Variants in C5orf22 observed in about 807,000 individuals in gnomAD.
C5orf22 encodes the protein chromosome 5 open reading frame 22.
C5orf22 carries 36 observed loss-of-function variants against 48.7 expected under a neutral mutation model. The observed-to-expected ratio is 0.74, with a 90% confidence interval of 0.57 to 0.98. C5orf22 has a LOEUF of 0.98. Among genes scored for constraint, C5orf22 ranks in the 50% least tolerant of loss-of-function variants. The pLI, the probability that C5orf22 is intolerant of heterozygous loss-of-function variation, is 0.00. For missense variants in C5orf22, 486 were observed against 521.9 expected, an observed-to-expected ratio of 0.93 and a Z score of 0.67; for synonymous variants, 141 against 180.8, an observed-to-expected ratio of 0.78 and a Z score of 1.76.
intron 1 of C5orf22, 97 bp from the exon 2 acceptor site, chr5:31,534,175 A>C: frequency 2.8e-6 from 3 of 1,058,026 alleles, no homozygotes; most frequent in Non-Finnish European, 4.2e-6. Context: ...TATGCTTTCA[A>C]TTATGTGCAT....
rs1232958090 is a variant in C5orf22, at chr5:31,541,399, C to T, written c.989C>T (p.Pro330Leu). ...EETVQRWASNPGMESLVPLVQ... is the reference protein window; with the variant it reads ...EETVQRWASNLGMESLVPLVQ... ...ACGGTACAGAGATGGGCTTCAAACC[C>T]TGGGTAAGACTCTCAAACATTTTTT... is the stretch of plus-strand genomic sequence containing the variant. The change falls in exon 6 of 9, where the codon CCT becomes CTT. Residue 330 changes from proline (P) to leucine (L), a missense_variant. Pro to Leu is a moderately conservative substitution (Grantham distance 98). This residue lies in a region of C5orf22 where 408 missense variants were observed against 444.0 expected (regional missense o/e 0.92). Coordinates refer to ENST00000325366, the MANE Select transcript of C5orf22 (RefSeq NM_018356.3). 1 of 1,612,158 alleles carries T rather than the reference C, an allele frequency of 6.2e-7. No individual in the cohort carries two copies. The highest frequency in any genetic ancestry group is 1.7e-5 in the Admixed American group (1 of 59,710).
chr5:31,551,466 A>AGATTAG, intron 8 of C5orf22, 34 bp downstream of exon 8: 2 of 1,508,848 alleles, frequency 1.3e-6, no homozygotes, highest in Non-Finnish European at 1.8e-6. Flanking sequence ...GGCAAATCAG[A>AGATTAG]GATGTGCACA....
At chr5:31,545,752 A>G (rs1334510711) in intron 7 of C5orf22, 40 bp downstream of exon 7, 5 of 1,349,030 alleles carry the variant, frequency 3.7e-6, no homozygotes, top group Non-Finnish European at 5.2e-6. Flanking sequence ...GACCCTTTGT[A>G]AAGACAATTT....
Position 31,538,203 on chromosome 5 carries a change from T to C in C5orf22, c.378-57T>C, listed in dbSNP as rs1742216356. 3 of 1,295,522 alleles carry C rather than the reference T, an allele frequency of 2.3e-6. No individual in the cohort carries two copies. The South Asian group carries it at 4.3e-5, about 19-fold the overall frequency. The allele number at this position is 1,295,522 out of a possible 1,614,324, so 80.3% of individuals were successfully genotyped here. A position where few individuals can be genotyped will look rare whatever the true frequency, so the allele number is the denominator to read the frequency against. On this transcript the variant is annotated intron_variant, in intron 3 of 8. Transcript: ENST00000325366. ...TTCTTATATTTCTGCCATACCATAG[T>C]GAAATGTCAACTGATTTGCCCATTC...
chr5:31,537,370 A>G (rs1309575061), intron 3 of C5orf22, among the ~76,000 whole-genome samples: 1 of 152,242 alleles, frequency 6.6e-6, no homozygotes, highest in Non-Finnish European at 1.5e-5. Context: ...GCTGTTATTA[A>G]AAAGAATATT....
intron 1 of C5orf22, among the ~76,000 whole-genome samples, chr5:31,532,769 C>T (rs1448346714): frequency 1.3e-5 from 2 of 152,050 alleles, no homozygotes; most frequent in African/African-American, 2.4e-5. Flanking sequence ...GGCTGCAGAG[C>T]CCTGTGTTCT....
chr5:31,539,783 G>A (rs902939350), intron 4 of C5orf22, among the ~76,000 whole-genome samples: 9 of 151,488 alleles, frequency 5.9e-5, no homozygotes, highest in South Asian at 2.1e-4. Context: ...TGGCTCATGC[G>A]TATAATCCCA....
intron 7 of C5orf22, among the ~76,000 whole-genome samples, chr5:31,550,926 C>G (rs1743217278): frequency 6.6e-6 from 1 of 151,964 alleles, no homozygotes; most frequent in Admixed American, 6.6e-5. Flanking sequence ...CAAAATTGAC[C>G]CAAGCCCAAT....
At chr5:31,532,939 T>C (rs1416056070) in intron 1 of C5orf22, among the ~76,000 whole-genome samples, 12 of 152,096 alleles carry the variant, frequency 7.9e-5, no homozygotes, top group Non-Finnish European at 1.8e-4. Context: ...ATTGTGTGCA[T>C]ACTGTGTTTA....
intron 7 of C5orf22, chr5:31,548,573 G>C (rs1233142495): frequency 2.2e-6 from 1 of 450,626 alleles, no homozygotes; most frequent in Non-Finnish European, 4.4e-6. Flanking sequence ...TTTGGTCCAA[G>C]CCATTCAACA....
In C5orf22 at chr5:31,553,409, T is replaced by C. The variant is rs1293570386; in HGVS notation, c.*507T>C. ...GAAGGAAAGGACAACAACAGACATGTCTTAGTACTTAGGGTATCATGGCTT... is the reference window on the plus strand; with the variant it reads ...GAAGGAAAGGACAACAACAGACATGCCTTAGTACTTAGGGTATCATGGCTT... On this transcript the variant is annotated 3_prime_UTR_variant, in exon 9 of 9. Transcript: ENST00000325366. The C allele has an allele frequency of 6.6e-6, 1 of 152,298 alleles. No individual in the cohort carries two copies. 9.4% of individuals were successfully genotyped at this position (152,298 alleles called of 1,614,324 possible).
chr5:31,548,695 T>C (rs1174577586), intron 7 of C5orf22: 3 of 372,804 alleles, frequency 8.0e-6, no homozygotes, highest in African/African-American at 6.3e-5. Flanking sequence ...CAGGTATCTT[T>C]TCAACAGTGC....
At chr5:31,532,522 A>G (rs1251603386) in intron 1 of C5orf22, 49 bp downstream of exon 1, 24 of 1,528,508 alleles carry the variant, frequency 1.6e-5, no homozygotes, top group Non-Finnish European at 2.0e-5. Flanking sequence ...GGAAGCCCTG[A>G]CGCTCAGAGG....
At chr5:31,549,538 A>T (rs962359072) in intron 7 of C5orf22, among the ~76,000 whole-genome samples, 4 of 152,132 alleles carry the variant, frequency 2.6e-5, no homozygotes, top group African/African-American at 9.7e-5. Flanking sequence ...TACACTTTTT[A>T]AAAATGGTAA....
At chr5:31,551,564 T>G (rs1356687877) in intron 8 of C5orf22, 132 bp downstream of exon 8, 36 of 694,162 alleles carry the variant, frequency 5.2e-5, no homozygotes, top group East Asian at 4.2e-4. Flanking sequence ...TGAGATGAGA[T>G]TATCCTGGAT....
rs368216413 is a variant in C5orf22, at chr5:31,545,648, T to C, written c.995T>C (p.Met332Thr). 6 of 1,610,240 alleles carry C rather than the reference T, an allele frequency of 3.7e-6. No individual in the cohort carries two copies. The highest frequency in any genetic ancestry group is 5.1e-6 in the Non-Finnish European group (6 of 1,177,598). ...TGAGTGGGATGGCTTTTTTCCAGAA[T>C]GGAATCACTAGTTCCCCTTGTACAG... ...TVQRWASNPG[M>T]ESLVPLVQSL... Residue 332 changes from methionine (M) to threonine (T), a missense_variant and splice_region_variant, in exon 7 of 9, where the codon ATG (methionine) becomes ACG (threonine). Physicochemically the swap from Met to Thr is moderately conservative, Grantham distance 81. Transcript: ENST00000325366.
rs546043409 is a variant in C5orf22 at position 31,551,197 on chromosome 5, A to G, written c.1060-96A>G. 1,077 of 1,215,220 alleles carry G rather than the reference A, an allele frequency of 8.9e-4. 12 individuals are homozygous for G. Among genetic ancestry groups the G allele is most frequent in the Non-Finnish European group, 1.9e-4 (166 of 858,396 alleles). 75.3% of individuals were successfully genotyped at this position (1,215,220 alleles called of 1,614,324 possible). A position where few individuals can be genotyped will look rare whatever the true frequency, so the allele number is the denominator to read the frequency against. Reference sequence around the variant, plus strand: ...AAATATGCACATCTTTTATGTATCAATAAAAGTAAAGATTTGTCAATAAGG... The same window carrying G: ...AAATATGCACATCTTTTATGTATCAGTAAAAGTAAAGATTTGTCAATAAGG... On this transcript the variant is annotated intron_variant, in intron 7 of 8. Coordinates refer to ENST00000325366, the MANE Select transcript of C5orf22 (RefSeq NM_018356.3).
chr5:31,533,746 G>GA (rs1163542158), intron 1 of C5orf22, among the ~76,000 whole-genome samples: 1 of 151,944 alleles, frequency 6.6e-6, no homozygotes, highest in Admixed American at 6.6e-5. Context: ...AAATAGAAGT[G>GA]AAAAAATTAG....
Position 31,540,938 on chromosome 5 carries a change from T to C in C5orf22, c.808-11T>C. 6.2e-7 allele frequency: 1 copy of C among 1,601,590 alleles called. No individual in the cohort carries two copies. Among genetic ancestry groups the C allele is most frequent in the South Asian group, 1.1e-5 (1 of 88,356 alleles). On this transcript the variant is annotated splice_polypyrimidine_tract_variant and intron_variant, in intron 4 of 8. Transcript: ENST00000325366. ...TTTTCTGGTATGTGGATTTTTTGTT[T>C]TGTTTTCCAGGAAGAGTACAAAATC...
Sources: allele counts gnomAD v4.1 joint callset (sites outside exome capture counted in the v4.1 genomes callset), GRCh38; gene constraint gnomAD v4.1.1; regional missense constraint gnomAD v4.1.1; transcripts MANE v1.5; gene names NCBI Gene and HGNC (gene_info 2026-07-23, HGNC 2026-07-21).